The following DENND2C variants were observed in gnomAD, a reference collection of about 807,000 sequenced individuals.
The protein encoded by DENND2C is DENN domain-containing protein 2C.
In DENND2C, 72 loss-of-function variants were observed where a neutral mutation model predicts 112.4. The ratio of observed to expected loss-of-function variants is 0.64; its 90% CI spans 0.53 to 0.78. The LOEUF (loss-of-function observed/expected upper bound fraction) is 0.78, where lower values mean the gene tolerates loss of function less well. DENND2C is among the 30% of genes least tolerant of loss of function. The probability of loss-of-function intolerance (pLI) is 0.00; values close to 1 mark genes in which losing one functional copy is unlikely to be tolerated. For missense variants in DENND2C, 992 were observed against 1,113.8 expected, an observed-to-expected ratio of 0.89 and a Z score of 1.56; for synonymous variants, 329 against 381.6, an observed-to-expected ratio of 0.86 and a Z score of 1.61.
At chr1:114,667,986 G>A (rs1657692464) in intron 1 of DENND2C, among the ~76,000 whole-genome samples, 1 of 152,148 alleles carries the variant, frequency 6.6e-6, no homozygotes. Context: ...AGCTGATGTT[G>A]TTATTGTTAC....
rs7516555 is a variant in DENND2C, at chr1:114,659,319, G to A, written c.-573-4558C>T. On this transcript the variant is annotated intron_variant, in intron 1 of 20. Coordinates refer to ENST00000393274, the MANE Select transcript of DENND2C (RefSeq NM_001256404.2). ...AGTTCGAGACCAGCCTGGTCAACACGGCGAAACCCTGTCTCTACTAAAAAT... is the reference window on the plus strand; with the variant it reads ...AGTTCGAGACCAGCCTGGTCAACACAGCGAAACCCTGTCTCTACTAAAAAT... Among the ~76,000 whole-genome samples the A allele has an allele frequency of 5.2e-3, 789 of 152,092 alleles. 6 individuals carry two copies. Among genetic ancestry groups the A allele is most frequent in the African/African-American group, 0.018 (741 of 41,468 alleles).
At chr1:114,594,428 T>C in intron 18 of DENND2C, 45 bp downstream of exon 18, 2 of 1,480,374 alleles carry the variant, frequency 1.4e-6, no homozygotes, top group Non-Finnish European at 1.9e-6. Context: ...AAATATTTAC[T>C]ACCTTAACCC....
At chr1:114,654,396 C>A (rs1259059182) in intron 2 of DENND2C, 109 bp downstream of exon 2, 1 of 151,950 alleles carries the variant, frequency 6.6e-6, no homozygotes, top group Admixed American at 6.5e-5. Flanking sequence ...CACGCCACTG[C>A]ACTCCAGCCT....
chr1:114,594,617 A>G, intron 17 of DENND2C, 39 bp from the exon 18 acceptor site: 13 of 1,541,744 alleles, frequency 8.4e-6, no homozygotes, highest in Non-Finnish European at 1.2e-5. Flanking sequence ...TCTTTGTTTG[A>G]GATTTGAGGG....
Position 114,600,255 on chromosome 1 carries a change from C to G in DENND2C, c.2054G>C (p.Cys685Ser), listed in dbSNP as rs755004284. Residue 685 changes from cysteine to serine, a missense_variant, in exon 15 of 21, where the codon TGT (cysteine) becomes TCT (serine). Physicochemically the swap from Cys to Ser is moderately radical, Grantham distance 112. Coordinates refer to ENST00000393274, the MANE Select transcript of DENND2C (RefSeq NM_001256404.2). ...CLSVCHLIRVCASLLLERRVI... is the reference protein window; with the variant it reads ...CLSVCHLIRVSASLLLERRVI... ...CCTACGCTCCAAAAGGAGAGAGGCACAGACCCGGATGAGATGACACACACT... is the reference window on the plus strand; with the variant it reads ...CCTACGCTCCAAAAGGAGAGAGGCAGAGACCCGGATGAGATGACACACACT... 1 of 1,614,112 alleles carries G rather than the reference C, an allele frequency of 6.2e-7. No homozygotes were observed. Among genetic ancestry groups the G allele is most frequent in the Non-Finnish European group, 8.5e-7 (1 of 1,180,016 alleles).
intron 11 of DENND2C, among the ~76,000 whole-genome samples, chr1:114,603,542 TTTA>T (rs573333208): frequency 6.6e-6 from 1 of 151,076 alleles, no homozygotes; most frequent in African/African-American, 2.4e-5. Flanking sequence ...CTTCCTTCCT[TTTA>T]TTATTATTAT....
intron 18 of DENND2C, among the ~76,000 whole-genome samples, chr1:114,591,191 C>T (rs1655179776): frequency 1.3e-5 from 2 of 152,132 alleles, no homozygotes; most frequent in South Asian, 4.1e-4. Context: ...TCGTCTTGAA[C>T]TCCTGGGCTC....
In DENND2C at chr1:114,601,098, A is replaced by C. The variant is rs1347329210; in HGVS notation, c.1816-138T>G. 4 of 926,940 alleles carry C rather than the reference A, an allele frequency of 4.3e-6. No individual in the cohort carries two copies. In the East Asian group the frequency reaches 1.1e-4, roughly 25 times the overall value. 57.4% of individuals were successfully genotyped at this position (926,940 alleles called of 1,614,324 possible). A position where few individuals can be genotyped will look rare whatever the true frequency, so the allele number is the denominator to read the frequency against. ...TTAAGACAGATAAGCTTCTGCAATC[A>C]ATAAAAGTTAAATAAGCATCATATC... On this transcript the variant is annotated intron_variant, in intron 13 of 20. Coordinates refer to ENST00000393274, the MANE Select transcript of DENND2C (RefSeq NM_001256404.2).
intron 1 of DENND2C, among the ~76,000 whole-genome samples, chr1:114,659,757 C>T (rs74115269): frequency 0.02 from 2,821 of 141,402 alleles, 91 homozygotes; most frequent in African/African-American, 0.071. Context: ...TTCTTCCTTC[C>T]CTCCCTCCGT....
intron 18 of DENND2C, among the ~76,000 whole-genome samples, chr1:114,590,803 G>C (rs1655168369): frequency 7.0e-6 from 1 of 142,806 alleles, no homozygotes; most frequent in South Asian, 2.3e-4. Flanking sequence ...AAAAATTATT[G>C]AACTTGTTTC....
chr1:114,589,260 G>A (rs1269036774), intron 18 of DENND2C, among the ~76,000 whole-genome samples: 1 of 149,706 alleles, frequency 6.7e-6, no homozygotes, highest in Non-Finnish European at 1.5e-5. Context: ...CTTTTCCCAG[G>A]GATCCACACA....
intron 6 of DENND2C, 89 bp downstream of exon 6, chr1:114,622,898 G>T: frequency 2.1e-6 from 2 of 959,800 alleles, no homozygotes; most frequent in Non-Finnish European, 3.0e-6. Flanking sequence ...GTGCCTCTTA[G>T]TTCTGGACCC....
intron 11 of DENND2C, among the ~76,000 whole-genome samples, chr1:114,604,628 G>A (rs1344030171): frequency 6.6e-6 from 1 of 151,624 alleles, no homozygotes; most frequent in African/African-American, 2.4e-5. Flanking sequence ...CTGTCCACTT[G>A]GGAGCATTTC....
At chr1:114,618,614 A>G in intron 7 of DENND2C, 132 bp from the exon 8 acceptor site, 1 of 474,198 alleles carries the variant, frequency 2.1e-6, no homozygotes, top group East Asian at 3.6e-5. Context: ...TACCTTTTTG[A>G]ATTTTGGATT....
intron 1 of DENND2C, among the ~76,000 whole-genome samples, chr1:114,661,189 C>A (rs144108561): frequency 6.6e-6 from 1 of 151,822 alleles, no homozygotes; most frequent in Non-Finnish European, 1.5e-5. Flanking sequence ...ACAATATCAG[C>A]GACCCCATCG....
At chr1:114,622,958 G>T in intron 6 of DENND2C, 29 bp downstream of exon 6, 2 of 1,534,098 alleles carry the variant, frequency 1.3e-6, no homozygotes, top group South Asian at 1.2e-5. Context: ...AGATTCTAAT[G>T]TTTTCTTCAA....
chr1:114,650,237 C>T (rs966173764), intron 2 of DENND2C, among the ~76,000 whole-genome samples: 4 of 150,780 alleles, frequency 2.7e-5, no homozygotes, highest in African/African-American at 9.8e-5. Context: ...GCAGGAGAAT[C>T]GCTTGAACCC....
chr1:114,625,734 T>C lies in DENND2C; in HGVS notation c.251A>G (p.Asn84Ser), dbSNP rs768416506. 3 of 1,614,122 alleles carry C rather than the reference T, an allele frequency of 1.9e-6. No homozygotes were observed. The highest frequency in any genetic ancestry group is 1.1e-5 in the South Asian group (1 of 91,080). Residue 84 changes from asparagine to serine, a missense_variant, in exon 4 of 21, where the codon AAT (asparagine) becomes AGT (serine). Asn to Ser is a conservative substitution (Grantham distance 46). Transcript: ENST00000393274. The stretch of plus-strand genomic sequence containing the variant: ...TTGATCATGGCTTTTGGTATTTTCA[T>C]TTATATCTAGACCCACATTTTCACG... ...TSRENVGLDI[N>S]ENTKSHDQSE...
intron 3 of DENND2C, among the ~76,000 whole-genome samples, chr1:114,641,604 C>A (rs1181763847): frequency 6.6e-6 from 1 of 152,124 alleles, no homozygotes; most frequent in Non-Finnish European, 1.5e-5. Flanking sequence ...CACGTCTCCT[C>A]CCCCTTCACT....
Sources: allele counts gnomAD v4.1 joint callset (sites outside exome capture counted in the v4.1 genomes callset), GRCh38; gene constraint gnomAD v4.1.1; transcripts MANE v1.5; gene names NCBI Gene and HGNC (gene_info 2026-07-23, HGNC 2026-07-21).